The following TAFA1 variants were observed in gnomAD, a reference collection of about 807,000 sequenced individuals.
TAFA1 encodes the protein chemokine-like protein TAFA-1.
A neutral mutation model predicts 18.5 loss-of-function variants in TAFA1; 4 were observed. That is an observed-to-expected ratio of 0.22 (90% CI 0.11 to 0.49). The LOEUF (loss-of-function observed/expected upper bound fraction) is 0.49, where lower values mean the gene tolerates loss of function less well. Ranked by LOEUF, TAFA1 falls within the 20% of genes least tolerant of loss-of-function variation. The pLI is 0.98. For missense variants in TAFA1, 147 were observed against 169.0 expected (o/e 0.87, Z 0.72); for synonymous variants, 56 against 55.2 (o/e 1.01, Z -0.06).
intron 3 of TAFA1, among the ~76,000 whole-genome samples, chr3:68,517,699 T>C (rs985259120): frequency 6.6e-6 from 1 of 152,196 alleles, no homozygotes. Flanking sequence ...AGCAGAACTA[T>C]GGCCCAGGAG....
At chr3:68,368,716 C>G (rs2069621280) in intron 2 of TAFA1, among the ~76,000 whole-genome samples, 2 of 152,000 alleles carry the variant, frequency 1.3e-5, no homozygotes, top group African/African-American at 4.8e-5. Flanking sequence ...GAAGGGGAAC[C>G]CAAAATAAAA....
chr3:68,107,795 GT>G (rs2065219898), intron 2 of TAFA1, among the ~76,000 whole-genome samples: 1 of 152,102 alleles, frequency 6.6e-6, no homozygotes, highest in African/African-American at 2.4e-5. Context: ...ACAGAGTCTA[GT>G]TTTAAATCCA....
chr3:68,430,309 T>G (rs2071144914), intron 3 of TAFA1, among the ~76,000 whole-genome samples: 1 of 151,874 alleles, frequency 6.6e-6, no homozygotes, highest in African/African-American at 2.4e-5. Context: ...AGAAAAGCCA[T>G]GGGTTTTAAT....
At chr3:68,446,057 A>G (rs755052074) in intron 3 of TAFA1, among the ~76,000 whole-genome samples, 14 of 152,130 alleles carry the variant, frequency 9.2e-5, no homozygotes, top group South Asian at 4.2e-4. Flanking sequence ...ACATACCACT[A>G]TAGCCAGCTA....
intron 2 of TAFA1, among the ~76,000 whole-genome samples, chr3:68,158,597 G>C (rs1257876792): frequency 1.3e-5 from 2 of 151,998 alleles, no homozygotes; most frequent in Non-Finnish European, 2.9e-5. Flanking sequence ...TTATTCAGCT[G>C]AATATAAGGT....
intron 2 of TAFA1, among the ~76,000 whole-genome samples, chr3:68,037,926 C>G (rs1254098779): frequency 1.3e-5 from 2 of 152,164 alleles, no homozygotes; most frequent in East Asian, 3.9e-4. Flanking sequence ...CGTGCTCTCT[C>G]TCTCTGAAAC....
chr3:68,418,699 G>A (rs796995885), intron 3 of TAFA1, among the ~76,000 whole-genome samples: 12 of 152,222 alleles, frequency 7.9e-5, no homozygotes, highest in Non-Finnish European at 1.5e-4. Flanking sequence ...AGCACTTACT[G>A]TATTCCAGAT....
intron 2 of TAFA1, among the ~76,000 whole-genome samples, chr3:68,223,893 C>T (rs1185474549): frequency 6.6e-6 from 1 of 151,706 alleles, no homozygotes. Context: ...AAACTGAATG[C>T]AATGCTATAC....
chr3:68,517,073 C>T (rs1415697614), intron 3 of TAFA1, among the ~76,000 whole-genome samples: 1 of 152,128 alleles, frequency 6.6e-6, no homozygotes, highest in African/African-American at 2.4e-5. Context: ...CGCGCCTGGC[C>T]AATTGTTCCT....
chr3:68,491,925 A>T (rs2072460468), intron 3 of TAFA1, among the ~76,000 whole-genome samples: 1 of 152,212 alleles, frequency 6.6e-6, no homozygotes, highest in African/African-American at 2.4e-5. Flanking sequence ...GATAATTCTG[A>T]AGCCCACCAA....
At chr3:68,456,061 T>C (rs1218380037) in intron 3 of TAFA1, among the ~76,000 whole-genome samples, 4 of 152,142 alleles carry the variant, frequency 2.6e-5, no homozygotes, top group Non-Finnish European at 5.9e-5. Flanking sequence ...TGTCCAATAT[T>C]AGAAGAACTT....
At chr3:68,195,786 T>A (rs534819498) in intron 2 of TAFA1, among the ~76,000 whole-genome samples, 3 of 151,686 alleles carry the variant, frequency 2.0e-5, no homozygotes, top group African/African-American at 4.8e-5. Flanking sequence ...AATATAATAT[T>A]TTCTTTTTTC....
chr3:68,485,815 C>A (rs978217095), intron 3 of TAFA1, among the ~76,000 whole-genome samples: 1 of 152,050 alleles, frequency 6.6e-6, no homozygotes, highest in African/African-American at 2.4e-5. Context: ...TAGTAAAAAG[C>A]CAGTAAGCAT....
chr3:68,335,875 C>T (rs2068962217), intron 2 of TAFA1, among the ~76,000 whole-genome samples: 1 of 152,098 alleles, frequency 6.6e-6, no homozygotes, highest in Non-Finnish European at 1.5e-5. Flanking sequence ...GAAAACTTTC[C>T]TTTGTTGCTT....
chr3:68,175,135 T>A (rs895933858), intron 2 of TAFA1, among the ~76,000 whole-genome samples: 4 of 152,192 alleles, frequency 2.6e-5, no homozygotes, highest in African/African-American at 9.7e-5. Flanking sequence ...GATTTCCTAG[T>A]GTAGATGTAT....
intron 3 of TAFA1, among the ~76,000 whole-genome samples, chr3:68,456,163 C>T (rs2071661212): frequency 6.6e-6 from 1 of 152,072 alleles, no homozygotes; most frequent in Non-Finnish European, 1.5e-5. Context: ...TCTTGTTGTG[C>T]AGGCCTTCTT....
chr3:68,225,366 G>A (rs2066785248), intron 2 of TAFA1, among the ~76,000 whole-genome samples: 1 of 152,058 alleles, frequency 6.6e-6, no homozygotes, highest in South Asian at 2.1e-4. Context: ...AACTTTTATA[G>A]GGTCATCTAT....
intron 2 of TAFA1, among the ~76,000 whole-genome samples, chr3:68,050,162 TG>T (rs749176319): frequency 2.2e-4 from 34 of 152,142 alleles, no homozygotes; most frequent in Non-Finnish European, 4.7e-4. Context: ...TGGAAGGTGA[TG>T]CCAGGAAACA....
chr3:68,379,952 T>C (rs2069901595), intron 2 of TAFA1, among the ~76,000 whole-genome samples: 1 of 151,814 alleles, frequency 6.6e-6, no homozygotes, highest in Admixed American at 6.6e-5. Flanking sequence ...ATGTGTGATG[T>C]TCCCCTTCCT....
Sources: allele counts gnomAD v4.1 joint callset (sites outside exome capture counted in the v4.1 genomes callset), GRCh38; gene constraint gnomAD v4.1.1; transcripts MANE v1.5; gene names NCBI Gene and HGNC (gene_info 2026-07-23, HGNC 2026-07-21).